CFAP53: variants seen among roughly 807,000 people sequenced by gnomAD.
CFAP53 encodes cilia and flagella associated protein 53.
CFAP53 carries 62 observed loss-of-function variants against 59.7 expected under a neutral mutation model. That is an observed-to-expected ratio of 1.04 (90% CI 0.85 to 1.28). The LOEUF (loss-of-function observed/expected upper bound fraction) is 1.28, where lower values mean the gene tolerates loss of function less well. CFAP53 is among the 50% of genes most tolerant of loss of function. The pLI is 0.00. For missense variants in CFAP53, 629 were observed against 615.6 expected, an observed-to-expected ratio of 1.02 and a Z score of -0.23; for synonymous variants, 218 against 205.7, an observed-to-expected ratio of 1.06 and a Z score of -0.51.
At position 50,227,602 on chromosome 18, in the gene CFAP53, G is replaced by A. The variant is rs765262031; in HGVS notation, c.1324C>T (p.Arg442Cys). The A allele has an allele frequency of 3.6e-5, 58 of 1,612,646 alleles. No homozygotes were observed. The highest frequency in any genetic ancestry group is 1.6e-4 in the Middle Eastern group (1 of 6,078). ...TGCTTCCTGTACTCCTGGGCTAAAC[G>A]TTGGCGTCTAAAGTATTAGAAATGT... ...EEKENFARRQRLAQEYRKQLQ... is the reference protein window; with the variant it reads ...EEKENFARRQCLAQEYRKQLQ... Residue 442 changes from arginine to cysteine, a missense_variant, in exon 8 of 8, where the codon CGT (arginine) becomes TGT (cysteine). Arg to Cys is a radical substitution (Grantham distance 180). Coordinates refer to ENST00000398545, the MANE Select transcript of CFAP53 (RefSeq NM_145020.5).
At chr18:50,257,179 G>A (rs1187558476) in intron 3 of CFAP53, among the ~76,000 whole-genome samples, 3 of 152,058 alleles carry the variant, frequency 2.0e-5, no homozygotes, top group African/African-American at 7.2e-5. Flanking sequence ...TCATTCATGT[G>A]ATCATCACTG....
rs559854665 is a variant in CFAP53, at chr18:50,234,316, C to G, written c.1316+4287G>C. On this transcript the variant is annotated intron_variant, in intron 7 of 7. Transcript: ENST00000398545. ...TAGGGGTTGAGATTGGACAACTTCTCAACCTCACTAATACATCTACAACTT... is the reference window on the plus strand; with the variant it reads ...TAGGGGTTGAGATTGGACAACTTCTGAACCTCACTAATACATCTACAACTT... Among the ~76,000 whole-genome samples the G allele has an allele frequency of 1.7e-3, 263 of 152,216 alleles. 1 individual carries two copies. Among genetic ancestry groups the G allele is most frequent in the Non-Finnish European group, 2.6e-3 (174 of 68,034 alleles).
Position 50,253,147 on chromosome 18 carries a change from G to C in CFAP53, c.474-1363C>G, listed in dbSNP as rs545623331. On this transcript the variant is annotated intron_variant, in intron 3 of 7. Coordinates refer to ENST00000398545, the MANE Select transcript of CFAP53 (RefSeq NM_145020.5). Reference sequence around the variant, plus strand: ...TTCCCCGGCCTCAGCCTCCGGAGTAGCTGGGACCACAGGCGCCCACCACCA... The same window carrying C: ...TTCCCCGGCCTCAGCCTCCGGAGTACCTGGGACCACAGGCGCCCACCACCA... 5.5e-4 allele frequency among the ~76,000 whole-genome samples: 84 copies of C among 152,168 alleles called. 1 individual carries two copies. The highest frequency in any genetic ancestry group is 1.0e-3 in the Non-Finnish European group (69 of 68,012).
intron 6 of CFAP53, among the ~76,000 whole-genome samples, chr18:50,239,522 A>G (rs573787402): frequency 2.0e-5 from 3 of 152,344 alleles, no homozygotes; most frequent in South Asian, 4.1e-4. Context: ...TCAGAAATTC[A>G]TCTTAAACAA....
At chr18:50,241,314 G>A (rs1277844980) in intron 6 of CFAP53, among the ~76,000 whole-genome samples, 1 of 152,168 alleles carries the variant, frequency 6.6e-6, no homozygotes. Flanking sequence ...AGACCCTCCT[G>A]GCCAGTTGGT....
At chr18:50,227,872 T>C (rs1418411553) in intron 7 of CFAP53, among the ~76,000 whole-genome samples, 1 of 151,902 alleles carries the variant, frequency 6.6e-6, no homozygotes, top group African/African-American at 2.4e-5. Context: ...TAATGGTCCT[T>C]GGTTTGCCTC....
At chr18:50,255,159 G>A (rs1156875391) in intron 3 of CFAP53, among the ~76,000 whole-genome samples, 1 of 152,122 alleles carries the variant, frequency 6.6e-6, no homozygotes, top group Non-Finnish European at 1.5e-5. Flanking sequence ...GACCTCAAAG[G>A]CATTATGTTG....
chr18:50,262,951 T>C (rs775766799), intron 1 of CFAP53, among the ~76,000 whole-genome samples: 6 of 152,216 alleles, frequency 3.9e-5, no homozygotes, highest in Non-Finnish European at 5.9e-5. Flanking sequence ...TACTTTGAAT[T>C]TCTATAAATG....
At chr18:50,253,286 G>T (rs1363212619) in intron 3 of CFAP53, among the ~76,000 whole-genome samples, 1 of 152,190 alleles carries the variant, frequency 6.6e-6, no homozygotes, top group African/African-American at 2.4e-5. Flanking sequence ...AAAGTGCTGG[G>T]ATTACAGGCG....
chr18:50,261,369 G>C, intron 2 of CFAP53, 132 bp from the exon 3 acceptor site: 1 of 1,051,352 alleles, frequency 9.5e-7, no homozygotes, highest in Non-Finnish European at 1.3e-6. Flanking sequence ...CACAGAATAA[G>C]ACTGGTTGGT....
chr18:50,229,744 T>TC (rs1568149395), intron 7 of CFAP53, among the ~76,000 whole-genome samples: 1 of 149,536 alleles, frequency 6.7e-6, no homozygotes, highest in South Asian at 2.1e-4. Context: ...CTTTTTCTTT[T>TC]TTTTTTTTTC....
intron 6 of CFAP53, among the ~76,000 whole-genome samples, chr18:50,241,028 T>C (rs1180000121): frequency 6.6e-6 from 1 of 152,186 alleles, no homozygotes; most frequent in Non-Finnish European, 1.5e-5. Context: ...AATGTGGCTA[T>C]AAGATTAATG....
rs760718052 is a variant in CFAP53 at position 50,266,418 on chromosome 18, T to C, written c.-14A>G. ...CTGGCTGTACATTTTCGAGTCCCCT[T>C]CGGGACGGGGGCGGCGTCCGCCGCG... On this transcript the variant is annotated 5_prime_UTR_variant, in exon 1 of 8. Coordinates refer to ENST00000398545, the MANE Select transcript of CFAP53 (RefSeq NM_145020.5). 3 of 1,613,924 alleles carry C rather than the reference T, an allele frequency of 1.9e-6. No individual in the cohort carries two copies. The highest frequency in any genetic ancestry group is 1.1e-5 in the South Asian group (1 of 91,096).
intron 1 of CFAP53, among the ~76,000 whole-genome samples, chr18:50,265,026 A>G (rs137970905): frequency 6.6e-6 from 1 of 152,360 alleles, no homozygotes; most frequent in African/African-American, 2.4e-5. Flanking sequence ...TGCACTGTGG[A>G]GCATAATAAA....
At chr18:50,227,734 G>A (rs2033539480) in intron 7 of CFAP53, 125 bp from the exon 8 acceptor site, 3 of 707,240 alleles carry the variant, frequency 4.2e-6, no homozygotes, top group Non-Finnish European at 2.4e-6. Context: ...AGGGTGAGTG[G>A]AGAAGAAATA....
At chr18:50,266,047 A>C (rs1170667991) in intron 1 of CFAP53, among the ~76,000 whole-genome samples, 1 of 152,034 alleles carries the variant, frequency 6.6e-6, no homozygotes. Context: ...AGACTGAAAA[A>C]CCCTAAGATC....
intron 3 of CFAP53, among the ~76,000 whole-genome samples, chr18:50,253,060 A>C (rs1409601367): frequency 2.7e-5 from 4 of 146,756 alleles, no homozygotes; most frequent in Non-Finnish European, 3.0e-5. Context: ...TCTGTCGCCC[A>C]GGCTGGAGTG....
At chr18:50,233,040 T>G (rs946769685) in intron 7 of CFAP53, among the ~76,000 whole-genome samples, 13 of 152,338 alleles carry the variant, frequency 8.5e-5, no homozygotes, top group Admixed American at 8.5e-4. Flanking sequence ...CAAGAAAAAG[T>G]CAGAGCTCAA....
At chr18:50,262,744 G>GTT (rs1241784119) in intron 1 of CFAP53, among the ~76,000 whole-genome samples, 1 of 152,098 alleles carries the variant, frequency 6.6e-6, no homozygotes, top group Non-Finnish European at 1.5e-5. Context: ...GTATATGTGT[G>GTT]TGTGTATATA....
Sources: allele counts gnomAD v4.1 joint callset (sites outside exome capture counted in the v4.1 genomes callset), GRCh38; gene constraint gnomAD v4.1.1; transcripts MANE v1.5; gene names NCBI Gene and HGNC (gene_info 2026-07-23, HGNC 2026-07-21).